Variants in XKR6 observed in about 807,000 individuals in gnomAD.
The protein encoded by XKR6 is XK related 6, also known as XK-related protein 6.
XKR6 carries 22 observed loss-of-function variants against 56.7 expected under a neutral mutation model. The ratio of observed to expected loss-of-function variants is 0.39; its 90% CI spans 0.28 to 0.55. The LOEUF is 0.55. Ranked by LOEUF, XKR6 falls within the 20% of genes least tolerant of loss-of-function variation. XKR6 has a pLI of 0.66. For synonymous variants in XKR6, 524 were observed against 387.8 expected, an observed-to-expected ratio of 1.35 and a Z score of -4.13; for missense variants, 852 against 889.0, an observed-to-expected ratio of 0.96 and a Z score of 0.53.
rs145882036 is a variant in XKR6 at position 11,165,577 on chromosome 8, A to T, written c.764+34999T>A. 2.6e-5 allele frequency among the ~76,000 whole-genome samples: 4 copies of T among 152,268 alleles called. No homozygotes were observed. In the East Asian group the frequency reaches 7.7e-4, roughly 29 times the overall value. On this transcript the variant is annotated intron_variant, in intron 1 of 2. Transcript: ENST00000416569. ...TCCTTATTTGATTAGCAGAAACCAT[A>T]ATTATAATTTACTAGCAACTCTTTT...
At chr8:11,185,937 T>C (rs1803249457) in intron 1 of XKR6, among the ~76,000 whole-genome samples, 1 of 152,224 alleles carries the variant, frequency 6.6e-6, no homozygotes, top group Non-Finnish European at 1.5e-5. Context: ...TTTGAGCTGA[T>C]CGATGGAAAC....
At chr8:10,964,270 C>T (rs559366244) in intron 1 of XKR6, among the ~76,000 whole-genome samples, 9 of 152,284 alleles carry the variant, frequency 5.9e-5, no homozygotes, top group Admixed American at 4.6e-4. Context: ...AATACCCCCA[C>T]GCTTCCCTGG....
chr8:10,930,023 C>T (rs1013273704), intron 1 of XKR6, among the ~76,000 whole-genome samples: 1 of 152,168 alleles, frequency 6.6e-6, no homozygotes, highest in African/African-American at 2.4e-5. Flanking sequence ...GTCTGAGGCT[C>T]AGAAAGACTA....
intron 2 of XKR6, among the ~76,000 whole-genome samples, chr8:10,900,857 C>CCTTTTT (rs373585629): frequency 8.7e-6 from 1 of 114,372 alleles, no homozygotes; most frequent in African/African-American, 3.5e-5. Flanking sequence ...GTGCAATTAC[C>CCTTTTT]TTTTTTTTTT....
At chr8:11,002,317 T>C (rs553998675) in intron 1 of XKR6, 315 of 219,178 alleles carry the variant, frequency 1.4e-3, no homozygotes, top group African/African-American at 6.7e-3. Context: ...AGAGCTGGAA[T>C]GGAAGTAAGA....
intron 1 of XKR6, among the ~76,000 whole-genome samples, chr8:11,173,337 C>G (rs1376920945): frequency 6.7e-6 from 1 of 149,692 alleles, no homozygotes; most frequent in Non-Finnish European, 1.5e-5. Flanking sequence ...AAGCGAGACT[C>G]CGCCTTAAAA....
chr8:11,101,513 A>C (rs958576873), intron 1 of XKR6, among the ~76,000 whole-genome samples: 11 of 152,314 alleles, frequency 7.2e-5, no homozygotes, highest in Admixed American at 2.6e-4. Context: ...AGTTGTCTGA[A>C]TTTTGGAAAA....
At chr8:11,111,634 C>G (rs1798898418) in intron 1 of XKR6, 2 of 151,984 alleles carry the variant, frequency 1.3e-5, no homozygotes, top group South Asian at 2.1e-4. Flanking sequence ...TCATAAGAAC[C>G]CCAAAACCTT....
At chr8:11,141,820 T>A (rs1800713962) in intron 1 of XKR6, among the ~76,000 whole-genome samples, 1 of 152,100 alleles carries the variant, frequency 6.6e-6, no homozygotes. Flanking sequence ...ATAACCAATC[T>A]ATGCTACTAG....
intron 1 of XKR6, among the ~76,000 whole-genome samples, chr8:11,058,094 T>A (rs1186965273): frequency 6.6e-6 from 1 of 152,256 alleles, no homozygotes; most frequent in Admixed American, 6.5e-5. Flanking sequence ...AATATCGGAC[T>A]GGGTCTCCCC....
chr8:10,974,933 A>G (rs1802508623), intron 1 of XKR6, among the ~76,000 whole-genome samples: 1 of 152,220 alleles, frequency 6.6e-6, no homozygotes. Context: ...ATGCCATTGA[A>G]TTGTACACTT....
chr8:11,187,917 A>AT (rs1435271887), intron 1 of XKR6, among the ~76,000 whole-genome samples: 3 of 152,250 alleles, frequency 2.0e-5, no homozygotes, highest in African/African-American at 7.2e-5. Flanking sequence ...GCTGAGCGCA[A>AT]GTTTCAAGGA....
At chr8:11,127,002 C>A (rs1799835224) in intron 1 of XKR6, among the ~76,000 whole-genome samples, 2 of 152,192 alleles carry the variant, frequency 1.3e-5, no homozygotes, top group Admixed American at 6.5e-5. Context: ...GGTCATCTAA[C>A]ATATATTTAA....
intron 1 of XKR6, among the ~76,000 whole-genome samples, chr8:11,059,284 T>C (rs1307214254): frequency 6.6e-6 from 1 of 150,946 alleles, no homozygotes; most frequent in African/African-American, 2.4e-5. Context: ...GCCTCAGAAA[T>C]CTTTGTTGAG....
At chr8:11,151,606 C>T (rs530675711) in intron 1 of XKR6, among the ~76,000 whole-genome samples, 1 of 152,158 alleles carries the variant, frequency 6.6e-6, no homozygotes, top group Admixed American at 6.5e-5. Context: ...ACGGCGCAGT[C>T]TGGAAGCCTG....
intron 1 of XKR6, among the ~76,000 whole-genome samples, chr8:10,958,082 T>G (rs1053134822): frequency 2.6e-5 from 4 of 152,236 alleles, no homozygotes; most frequent in Admixed American, 2.6e-4. Flanking sequence ...TTGCCCTCTC[T>G]GGGCCTCAGT....
At chr8:11,069,064 C>T (rs910949460) in intron 1 of XKR6, among the ~76,000 whole-genome samples, 1 of 151,944 alleles carries the variant, frequency 6.6e-6, no homozygotes, top group African/African-American at 2.4e-5. Flanking sequence ...GTTTTCCCTT[C>T]CCCCAGTCTT....
chr8:11,099,190 C>T (rs1798374293), intron 1 of XKR6, among the ~76,000 whole-genome samples: 1 of 152,172 alleles, frequency 6.6e-6, no homozygotes, highest in Non-Finnish European at 1.5e-5. Flanking sequence ...CAGATCTCTT[C>T]TCTTAGCTGG....
At chr8:11,031,709 G>T (rs146015495) in intron 1 of XKR6, among the ~76,000 whole-genome samples, 2 of 152,328 alleles carry the variant, frequency 1.3e-5, no homozygotes, top group East Asian at 3.9e-4. Context: ...ACATTTGCTA[G>T]AAAGCCCAAG....
Sources: allele counts gnomAD v4.1 joint callset (sites outside exome capture counted in the v4.1 genomes callset), GRCh38; gene constraint gnomAD v4.1.1; transcripts MANE v1.5; gene names NCBI Gene and HGNC (gene_info 2026-07-23, HGNC 2026-07-21).